The following PMS1 variants were observed in gnomAD, a reference collection of about 807,000 sequenced individuals.
PMS1 encodes the protein PMS1 homolog 1, mismatch repair system component.
In PMS1, 79 loss-of-function variants were observed where a neutral mutation model predicts 93.1. The ratio of observed to expected loss-of-function variants is 0.85; its 90% CI spans 0.71 to 1.02. The LOEUF (loss-of-function observed/expected upper bound fraction) is 1.02, where lower values mean the gene tolerates loss of function less well. PMS1 is among the 50% of genes least tolerant of loss of function. The probability of loss-of-function intolerance (pLI) is 0.00; values close to 1 mark genes in which losing one functional copy is unlikely to be tolerated. For missense variants in PMS1, 1,064 were observed against 1,085.3 expected (o/e 0.98, Z 0.28); for synonymous variants, 335 against 363.4 (o/e 0.92, Z 0.89).
intron 9 of PMS1, among the ~76,000 whole-genome samples, 194 bp downstream of exon 9, chr2:189,855,322 G>C (rs2055197262): frequency 6.9e-6 from 1 of 144,492 alleles, no homozygotes; most frequent in Non-Finnish European, 1.5e-5. Flanking sequence ...TGGGGCGGGG[G>C]CTTGTATTAT....
At chr2:189,855,151 T>C (rs1320863481) in intron 9 of PMS1, 23 bp downstream of exon 9, 1 of 1,593,566 alleles carries the variant, frequency 6.3e-7, no homozygotes, top group East Asian at 2.2e-5. Flanking sequence ...AGCTTGCATG[T>C]GACTTGAATG....
intron 5 of PMS1, among the ~76,000 whole-genome samples, chr2:189,839,648 G>A (rs1221726883): frequency 1.3e-5 from 2 of 152,086 alleles, no homozygotes; most frequent in Non-Finnish European, 2.9e-5. Context: ...AACTGACTTA[G>A]GTTTCTTCTA....
At position 189,805,666 on chromosome 2, in the gene PMS1, A is replaced by G; in HGVS notation, c.330A>G (p.Thr110=). 1 of 1,613,768 alleles carries G rather than the reference A, an allele frequency of 6.2e-7. No individual in the cohort carries two copies. Among genetic ancestry groups the G allele is most frequent in the Non-Finnish European group, 8.5e-7 (1 of 1,179,764 alleles). The change falls in exon 4 of 13, where the codon ACA becomes ACG. Residue 110 remains threonine (T), a synonymous_variant. Coordinates refer to ENST00000441310, the MANE Select transcript of PMS1 (RefSeq NM_000534.5). ...TTTTCCCCCAGGTTTTAATTACAACAAGAACGGCTGCTGATAATTTTAGCA... is the reference window on the plus strand; with the variant it reads ...TTTTCCCCCAGGTTTTAATTACAACGAGAACGGCTGCTGATAATTTTAGCA... ...ICCIAEVLIT[T]RTAADNFSTQ... is the part of the protein sequence containing the mutation.
intron 3 of PMS1, among the ~76,000 whole-genome samples, chr2:189,798,336 G>T (rs954663114): frequency 5.9e-5 from 9 of 152,228 alleles, no homozygotes; most frequent in Non-Finnish European, 1.0e-4. Context: ...CAAAGGAGAT[G>T]AAGTTTAAGT....
chr2:189,814,806 C>T (rs903273600), intron 4 of PMS1, among the ~76,000 whole-genome samples: 23 of 152,032 alleles, frequency 1.5e-4, no homozygotes, highest in African/African-American at 4.8e-4. Context: ...TCAAAACATA[C>T]GATACTCTGG....
At chr2:189,808,897 A>G (rs2050582147) in intron 4 of PMS1, among the ~76,000 whole-genome samples, 1 of 152,266 alleles carries the variant, frequency 6.6e-6, no homozygotes, top group Admixed American at 6.5e-5. Flanking sequence ...TAGTCCTATC[A>G]TTTTCTGTCA....
intron 4 of PMS1, among the ~76,000 whole-genome samples, chr2:189,809,425 G>A (rs2106292984): frequency 8.0e-6 from 1 of 125,092 alleles, no homozygotes; most frequent in South Asian, 2.5e-4. Flanking sequence ...ATATTACTTG[G>A]TGCTTTTAAG....
rs749451158 is a variant in PMS1 at position 189,852,638 on chromosome 2, C to G, written c.700-17C>G. 2.5e-6 allele frequency: 4 copies of G among 1,600,830 alleles called. No homozygotes were observed. Among genetic ancestry groups the G allele is most frequent in the Non-Finnish European group, 3.4e-6 (4 of 1,168,430 alleles). On this transcript the variant is annotated splice_polypyrimidine_tract_variant and intron_variant, in intron 6 of 12. Transcript: ENST00000441310. ...AACTACATTGTTGACATTGCATATTCTGTAATTATTATATAGATTTATCTC... is the reference window on the plus strand; with the variant it reads ...AACTACATTGTTGACATTGCATATTGTGTAATTATTATATAGATTTATCTC...
At chr2:189,787,579 A>G (rs1231227707) in intron 1 of PMS1, among the ~76,000 whole-genome samples, 1 of 142,924 alleles carries the variant, frequency 7.0e-6, no homozygotes, top group Non-Finnish European at 1.5e-5. Context: ...CCAAATACGT[A>G]ATTAAGATTA....
rs767216229 is a variant in PMS1, at chr2:189,853,956, C to G, written c.840C>G (p.Tyr280Ter). 6.3e-7 allele frequency: 1 copy of G among 1,587,170 alleles called. No homozygotes were observed. Among genetic ancestry groups the G allele is most frequent in the South Asian group, 1.1e-5 (1 of 87,542 alleles). The change falls in exon 8 of 13, where the codon TAC becomes TAG. Residue 280 changes from tyrosine to a stop codon, truncating the protein, a stop_gained. Coordinates refer to ENST00000441310, the MANE Select transcript of PMS1 (RefSeq NM_000534.5). LOFTEE classifies it high-confidence loss of function. The stretch of plus-strand genomic sequence containing the variant: ...ATTTCTAGTTAATCCGACATCATTA[C>G]AATCTGAAATGCCTAAAGGAATCTA... ...KDILKLIRHH[Y>*]NLKCLKESTR...
At chr2:189,860,565 C>T (rs938034057) in intron 9 of PMS1, among the ~76,000 whole-genome samples, 6 of 151,668 alleles carry the variant, frequency 4.0e-5, no homozygotes, top group East Asian at 1.9e-4. Flanking sequence ...GGGGCTTTTC[C>T]GGATATTTTA....
chr2:189,804,699 G>A (rs1351170377), intron 3 of PMS1, among the ~76,000 whole-genome samples: 1 of 152,132 alleles, frequency 6.6e-6, no homozygotes, highest in East Asian at 1.9e-4. Flanking sequence ...CTTGGATTCA[G>A]ATGAGTTCCA....
chr2:189,849,909 C>T (rs1384695668), intron 6 of PMS1, among the ~76,000 whole-genome samples: 1 of 146,012 alleles, frequency 6.8e-6, no homozygotes, highest in Non-Finnish European at 1.5e-5. Flanking sequence ...CTATATGAGC[C>T]CCCTTTTTTA....
chr2:189,791,767 C>A, intron 1 of PMS1, 23 bp from the exon 2 acceptor site: 1 of 1,597,128 alleles, frequency 6.3e-7, no homozygotes, highest in Non-Finnish European at 8.6e-7. Flanking sequence ...ACAATTCTTA[C>A]AAGTTGCATT....
At chr2:189,809,765 G>A (rs1000302528) in intron 4 of PMS1, among the ~76,000 whole-genome samples, 3 of 152,054 alleles carry the variant, frequency 2.0e-5, no homozygotes, top group Non-Finnish European at 2.9e-5. Flanking sequence ...CCAGGAGGCG[G>A]AGGTTGCAGT....
chr2:189,800,602 A>G (rs971620054), intron 3 of PMS1, among the ~76,000 whole-genome samples: 1 of 152,224 alleles, frequency 6.6e-6, no homozygotes, highest in Admixed American at 6.5e-5. Context: ...TAGAAAAAAT[A>G]TATTTTCAAG....
At chr2:189,795,013 T>C (rs1275230407) in intron 2 of PMS1, among the ~76,000 whole-genome samples, 1 of 152,080 alleles carries the variant, frequency 6.6e-6, no homozygotes, top group African/African-American at 2.4e-5. Context: ...GGTGGGAGGA[T>C]CACAAGCCCA....
chr2:189,821,518 A>G (rs1037458832), intron 5 of PMS1, among the ~76,000 whole-genome samples: 2 of 151,174 alleles, frequency 1.3e-5, no homozygotes, highest in African/African-American at 4.9e-5. Flanking sequence ...AGAAAATATA[A>G]TAAGTGAAGG....
intron 12 of PMS1, among the ~76,000 whole-genome samples, chr2:189,875,012 G>T (rs1212122750): frequency 6.6e-6 from 1 of 151,442 alleles, no homozygotes; most frequent in Non-Finnish European, 1.5e-5. Context: ...TGGTATAAGT[G>T]TTAAGAAAAA....
Sources: gnomAD v4.1 joint callset for allele counts (sites outside exome capture counted in the v4.1 genomes callset) on GRCh38, gnomAD v4.1.1 for gene constraint, MANE v1.5 for transcripts, NCBI Gene and HGNC (gene_info 2026-07-23, HGNC 2026-07-21) for gene names.